The following BRIP1 variants were observed in gnomAD, a reference collection of about 807,000 sequenced individuals.
BRIP1 encodes the protein BRCA1 interacting DNA helicase 1.
BRIP1 carries 88 observed loss-of-function variants against 119.7 expected under a neutral mutation model. That is an observed-to-expected ratio of 0.74 (90% CI 0.62 to 0.88). BRIP1 has a LOEUF of 0.88. Among genes scored for constraint, BRIP1 ranks in the 40% least tolerant of loss-of-function variants. BRIP1 has a pLI of 0.00. For synonymous variants in BRIP1, 443 were observed against 496.5 expected (o/e 0.89, Z 1.43); for missense variants, 1,259 against 1,455.4 (o/e 0.87, Z 2.20).
In BRIP1 at chr17:61,814,627, G is replaced by A. The variant is rs146720567; in HGVS notation, c.628-5870C>T. ...AAACTCTTATTCACTGCTGATCGAA[G>A]TATAAATTGGCACAACTACTTGAGA... is the stretch of plus-strand genomic sequence containing the variant. On this transcript the variant is annotated intron_variant, in intron 6 of 19. Transcript: ENST00000259008. This position sits in a 1 kb window ranked among gnomAD's most constrained non-coding sequence, Gnocchi z 4.9. Among the ~76,000 whole-genome samples, 600 of 152,166 alleles carry A rather than the reference G, an allele frequency of 3.9e-3. 1 individual carries two copies. Among genetic ancestry groups the A allele is most frequent in the Non-Finnish European group, 4.3e-3 (289 of 67,932 alleles).
chr17:61,694,959 CAT>C (rs1567738973), intron 17 of BRIP1, among the ~76,000 whole-genome samples: 1 of 149,668 alleles, frequency 6.7e-6, no homozygotes, highest in African/African-American at 2.5e-5. Flanking sequence ...ATATTTTCTC[CAT>C]ATGTGAGTTG....
intron 4 of BRIP1, among the ~76,000 whole-genome samples, chr17:61,854,922 T>G (rs2078874529): frequency 6.6e-6 from 1 of 152,088 alleles, no homozygotes; most frequent in South Asian, 2.1e-4. Context: ...CATGCACAAT[T>G]ACTCAGAAAT....
In BRIP1 at chr17:61,778,237, C is replaced by A. The variant is rs867213861; in HGVS notation, c.1936-1675G>T. ...AAGTAAAATAAGCCAGTCACAAAAACGACAAATATTTTATGATTCCACTTA... is the reference window on the plus strand; with the variant it reads ...AAGTAAAATAAGCCAGTCACAAAAAAGACAAATATTTTATGATTCCACTTA... On this transcript the variant is annotated intron_variant, in intron 13 of 19. Transcript: ENST00000259008. The surrounding 1 kb of genome is among the most constrained non-coding windows in gnomAD (Gnocchi z 4.4). Among the ~76,000 whole-genome samples, 1 of 152,048 alleles carries A rather than the reference C, an allele frequency of 6.6e-6. No homozygotes were observed. Among genetic ancestry groups the A allele is most frequent in the African/African-American group, 2.4e-5 (1 of 41,388 alleles).
Position 61,775,441 on chromosome 17 carries a change from A to C in BRIP1, c.2097+960T>G, listed in dbSNP as rs2077518924. Among the ~76,000 whole-genome samples, 2 of 152,150 alleles carry C rather than the reference A, an allele frequency of 1.3e-5. No individual in the cohort carries two copies. The highest frequency in any genetic ancestry group is 1.3e-4 in the Admixed American group (2 of 15,270). Reference sequence around the variant, plus strand: ...TTGTCATTCAAATATATTACTTCCAAATGCTTCTGTCCTTAGAGGTATAAC... The same window carrying C: ...TTGTCATTCAAATATATTACTTCCACATGCTTCTGTCCTTAGAGGTATAAC... On this transcript the variant is annotated intron_variant, in intron 14 of 19. Coordinates refer to ENST00000259008, the MANE Select transcript of BRIP1 (RefSeq NM_032043.3). The surrounding 1 kb of genome is among the most constrained non-coding windows in gnomAD (Gnocchi z 4.4).
intron 14 of BRIP1, among the ~76,000 whole-genome samples, chr17:61,764,875 A>G (rs952597546): frequency 6.6e-6 from 1 of 152,030 alleles, no homozygotes; most frequent in African/African-American, 2.4e-5. Context: ...CCTGCCTGCT[A>G]TGGTTTGAAT....
At chr17:61,727,350 TAAGAA>T (rs2076779251) in intron 16 of BRIP1, among the ~76,000 whole-genome samples, 1 of 152,086 alleles carries the variant, frequency 6.6e-6, no homozygotes, top group African/African-American at 2.4e-5. Flanking sequence ...AGCATGTACA[TAAGAA>T]AAAAGATTAA....
In BRIP1 at chr17:61,691,150, G is replaced by C. The variant is rs1016445452; in HGVS notation, c.2575+2280C>G. On this transcript the variant is annotated intron_variant, in intron 18 of 19. Coordinates refer to ENST00000259008, the MANE Select transcript of BRIP1 (RefSeq NM_032043.3). The surrounding 1 kb of genome is among the most constrained non-coding windows in gnomAD (Gnocchi z 5.0). ...TACCTAATGTAAACGACAAGTTAAT[G>C]GGTGCAGCACACTAACATGGGACAT... is the stretch of plus-strand genomic sequence containing the variant. Among the ~76,000 whole-genome samples the C allele has an allele frequency of 6.6e-6, 1 of 151,950 alleles. No individual in the cohort carries two copies. The highest frequency in any genetic ancestry group is 2.4e-5 in the African/African-American group (1 of 41,344).
At position 61,853,028 on chromosome 17, in the gene BRIP1, C is replaced by G. The variant is rs2078844479; in HGVS notation, c.380-3772G>C. 6.6e-6 allele frequency among the ~76,000 whole-genome samples: 1 copy of G among 152,082 alleles called. No homozygotes were observed. Among genetic ancestry groups the G allele is most frequent in the Non-Finnish European group, 1.5e-5 (1 of 68,016 alleles). On this transcript the variant is annotated intron_variant, in intron 4 of 19. Transcript: ENST00000259008. The surrounding 1 kb of genome is among the most constrained non-coding windows in gnomAD (Gnocchi z 4.3). ...TACTTACCTATTTGCACCCTTTGAA[C>G]AAGAATGTTCATAACAGCACTATTA...
In BRIP1 at chr17:61,770,211, A is replaced by C. The variant is rs1302939881; in HGVS notation, c.2097+6190T>G. The stretch of plus-strand genomic sequence containing the variant: ...AAGGTCACAGGCAAGGGACACAGTC[A>C]TGCTAAAAGACTGAGACATAATCAT... On this transcript the variant is annotated intron_variant, in intron 14 of 19. Transcript: ENST00000259008. This position sits in a 1 kb window ranked among gnomAD's most constrained non-coding sequence, Gnocchi z 4.7. Among the ~76,000 whole-genome samples, 1 of 152,224 alleles carries C rather than the reference A, an allele frequency of 6.6e-6. No homozygotes were observed. The highest frequency in any genetic ancestry group is 1.5e-5 in the Non-Finnish European group (1 of 68,042).
At position 61,831,929 on chromosome 17, in the gene BRIP1, A is replaced by G. The variant is rs952412321; in HGVS notation, c.627+15172T>C. 6.6e-6 allele frequency among the ~76,000 whole-genome samples: 1 copy of G among 152,204 alleles called. No individual in the cohort carries two copies. Among genetic ancestry groups the G allele is most frequent in the Non-Finnish European group, 1.5e-5 (1 of 68,034 alleles). The stretch of plus-strand genomic sequence containing the variant: ...ATTTTCAGTGTACAGACAGACAGAT[A>G]CAGAAAAAATATAGACATAAATGTA... On this transcript the variant is annotated intron_variant, in intron 6 of 19. Transcript: ENST00000259008. This position sits in a 1 kb window ranked among gnomAD's most constrained non-coding sequence, Gnocchi z 4.1.
At chr17:61,763,592 C>T (rs914784148) in intron 14 of BRIP1, among the ~76,000 whole-genome samples, 7 of 152,046 alleles carry the variant, frequency 4.6e-5, no homozygotes, top group African/African-American at 1.7e-4. Context: ...GGCAAACAAC[C>T]AACGCACTGA....
rs2077244087 is a variant in BRIP1, at chr17:61,759,336, T to C, written c.2098-14745A>G. Among the ~76,000 whole-genome samples, 3 of 152,090 alleles carry C rather than the reference T, an allele frequency of 2.0e-5. No homozygotes were observed. In the South Asian group the frequency reaches 6.2e-4, roughly 32 times the overall value. ...CTGTAAAAAGAAACAACGAAGAACA[T>C]TATTTAACAAAAAAAGGTCAATTCA... On this transcript the variant is annotated intron_variant, in intron 14 of 19. Transcript: ENST00000259008. This position sits in a 1 kb window ranked among gnomAD's most constrained non-coding sequence, Gnocchi z 4.9.
rs77093025 is a variant in BRIP1 at position 61,828,709 on chromosome 17, G to A, written c.627+18392C>T. Among the ~76,000 whole-genome samples, 17 of 152,194 alleles carry A rather than the reference G, an allele frequency of 1.1e-4. No homozygotes were observed. In the East Asian group the frequency reaches 3.3e-3, roughly 29 times the overall value. ...GGGCACCAGAAGTGAAAAACTGGAG[G>A]GTTAAGAAAGAAATTATTTTCCTCA... On this transcript the variant is annotated intron_variant, in intron 6 of 19. Transcript: ENST00000259008. This position sits in a 1 kb window ranked among gnomAD's most constrained non-coding sequence, Gnocchi z 4.1.
At position 61,832,486 on chromosome 17, in the gene BRIP1, CATT is replaced by C. The variant is rs1251891435; in HGVS notation, c.627+14612_627+14614del. 1.3e-5 allele frequency among the ~76,000 whole-genome samples: 2 copies of C among 152,252 alleles called. No homozygotes were observed. Among genetic ancestry groups the C allele is most frequent in the East Asian group, 3.9e-4 (2 of 5,184 alleles). On this transcript the variant is annotated intron_variant, in intron 6 of 19. Coordinates refer to ENST00000259008, the MANE Select transcript of BRIP1 (RefSeq NM_032043.3). This position sits in a 1 kb window ranked among gnomAD's most constrained non-coding sequence, Gnocchi z 5.5. ...ATATCATATTAATCAAGTTATCAAT[CATT>C]AATGAGAAAAAATGAAACTGCGTGC...
At position 61,756,572 on chromosome 17, in the gene BRIP1, T is replaced by C. The variant is rs980143247; in HGVS notation, c.2098-11981A>G. Among the ~76,000 whole-genome samples the C allele has an allele frequency of 4.6e-5, 7 of 152,324 alleles. No individual in the cohort carries two copies. Among genetic ancestry groups the C allele is most frequent in the African/African-American group, 1.7e-4 (7 of 41,586 alleles). On this transcript the variant is annotated intron_variant, in intron 14 of 19. Transcript: ENST00000259008. The surrounding 1 kb of genome is among the most constrained non-coding windows in gnomAD (Gnocchi z 4.3). ...AGATCTCACAAACTAAAAGACACTT[T>C]AGAATGCCCATGTCTTATCTGGATA...
chr17:61,733,193 T>A (rs2144588915), intron 16 of BRIP1, among the ~76,000 whole-genome samples: 1 of 152,276 alleles, frequency 6.6e-6, no homozygotes, highest in Admixed American at 6.5e-5. Context: ...AATGGAACAA[T>A]ATCATTCTCC....
chr17:61,770,036 T>C lies in BRIP1; in HGVS notation c.2097+6365A>G, dbSNP rs187794748. ...AAAAAACAACCATTTTGAAATACGTTCAACGCATTCTCTAAAACAATGGCC... is the reference window on the plus strand; with the variant it reads ...AAAAAACAACCATTTTGAAATACGTCCAACGCATTCTCTAAAACAATGGCC... On this transcript the variant is annotated intron_variant, in intron 14 of 19. Transcript: ENST00000259008. The surrounding 1 kb of genome is among the most constrained non-coding windows in gnomAD (Gnocchi z 4.7). 1.5e-3 allele frequency among the ~76,000 whole-genome samples: 234 copies of C among 152,260 alleles called. 3 individuals are homozygous for C. The highest frequency in any genetic ancestry group is 5.5e-3 in the African/African-American group (229 of 41,550).
rs587778139 is a variant in BRIP1, at chr17:61,801,429, G to A, written c.964C>T (p.Gln322Ter). ...FYHGVHKISD[Q>*]HTLQTFQGMC... ...CCTTGGAAAGTCTGTAATGTGTGCT[G>A]ATCACTAATTTTATGAACTCCATGA... The change falls in exon 8 of 20, where the codon CAG becomes TAG. Residue 322 changes from glutamine (Q) to a stop codon, truncating the protein, a stop_gained. Transcript: ENST00000259008. LOFTEE classifies it high-confidence loss of function. 6.2e-7 allele frequency: 1 copy of A among 1,613,766 alleles called. No homozygotes were observed. Among genetic ancestry groups the A allele is most frequent in the East Asian group, 2.2e-5 (1 of 44,872 alleles).
At position 61,774,969 on chromosome 17, in the gene BRIP1, T is replaced by C. The variant is rs2077512111; in HGVS notation, c.2097+1432A>G. ...GGAAAATATAAAAAGGTTTTAGCAATGAAATAAGATTTTGCTTTAATCGCT... is the reference window on the plus strand; with the variant it reads ...GGAAAATATAAAAAGGTTTTAGCAACGAAATAAGATTTTGCTTTAATCGCT... On this transcript the variant is annotated intron_variant, in intron 14 of 19. Transcript: ENST00000259008. The surrounding 1 kb of genome is among the most constrained non-coding windows in gnomAD (Gnocchi z 5.8). Among the ~76,000 whole-genome samples, 1 of 152,206 alleles carries C rather than the reference T, an allele frequency of 6.6e-6. No individual in the cohort carries two copies. Among genetic ancestry groups the C allele is most frequent in the Non-Finnish European group, 1.5e-5 (1 of 68,022 alleles).
Sources: gnomAD v4.1 joint callset for allele counts (sites outside exome capture counted in the v4.1 genomes callset) on GRCh38, gnomAD v4.1.1 for gene constraint, Gnocchi (gnomAD v3.1) non-coding constraint, MANE v1.5 for transcripts, NCBI Gene and HGNC (gene_info 2026-07-23, HGNC 2026-07-21) for gene names.